Variants in SPATC1 observed in about 807,000 individuals in gnomAD.
SPATC1 encodes the protein speriolin.
In SPATC1, 35 loss-of-function variants were observed where a neutral mutation model predicts 36.5. That is an observed-to-expected ratio of 0.96 (90% CI 0.73 to 1.27). The LOEUF is 1.27. Among genes scored for constraint, SPATC1 ranks in the 50% most tolerant of loss-of-function variants. The pLI is 0.00. For synonymous variants in SPATC1, 361 were observed against 353.6 expected, an observed-to-expected ratio of 1.02 and a Z score of -0.24; for missense variants, 779 against 796.0, an observed-to-expected ratio of 0.98 and a Z score of 0.26.
At chr8:144,037,289 G>T (rs1554754960) in intron 1 of SPATC1, among the ~76,000 whole-genome samples, 1 of 149,428 alleles carries the variant, frequency 6.7e-6, no homozygotes, top group African/African-American at 2.5e-5. Context: ...GAGCCCCTCT[G>T]CCCGGCCACC....
rs1354306370 is a variant in SPATC1, at chr8:144,046,520, C to T, written c.1447-107C>T. 8.4e-6 allele frequency: 9 copies of T among 1,067,276 alleles called. No homozygotes were observed. Among genetic ancestry groups the T allele is most frequent in the South Asian group, 6.0e-5 (4 of 66,808 alleles). 66.1% of individuals were successfully genotyped at this position (1,067,276 alleles called of 1,614,324 possible). On this transcript the variant is annotated intron_variant, in intron 4 of 4. Transcript: ENST00000377470. The surrounding 1 kb of genome is among the most constrained non-coding windows in gnomAD (Gnocchi z 6.6). Reference sequence around the variant, plus strand: ...CAGAACCTCCCCACCGCACACCCCTCGGATCCTGGCCATCTCACAGCCTCA... The same window carrying T: ...CAGAACCTCCCCACCGCACACCCCTTGGATCCTGGCCATCTCACAGCCTCA...
chr8:144,012,531 A>G lies in SPATC1; in HGVS notation c.16A>G (p.Asn6Asp). The G allele has an allele frequency of 6.4e-7, 1 of 1,551,716 alleles. No individual in the cohort carries two copies. The highest frequency in any genetic ancestry group is 2.4e-5 in the East Asian group (1 of 40,908). MSLLT[N>D]YEGLRHQIER... is the part of the protein sequence containing the mutation. ...GCCCCAGGGCATGTCTCTACTCACC[A>G]ATTATGAAGGGCTTCGGCATCAGAT... The change falls in exon 1 of 5, where the codon AAT becomes GAT. Residue 6 changes from asparagine (N) to aspartate (D), a missense_variant. Coordinates refer to ENST00000377470, the MANE Select transcript of SPATC1 (RefSeq NM_198572.3).
intron 1 of SPATC1, among the ~76,000 whole-genome samples, chr8:144,018,780 C>T (rs1834442382): frequency 6.6e-6 from 1 of 150,474 alleles, no homozygotes. Flanking sequence ...ATCTGTAGTC[C>T]CAACACTTTG....
At chr8:144,022,458 G>A (rs1285115358) in intron 1 of SPATC1, among the ~76,000 whole-genome samples, 1 of 39,250 alleles carries the variant, frequency 2.5e-5, no homozygotes, top group Non-Finnish European at 5.5e-5. Flanking sequence ...AGGACCCTCT[G>A]TCCAGAAGAA....
At chr8:144,042,039 C>T in intron 4 of SPATC1, 2 of 980,276 alleles carry the variant, frequency 2.0e-6, no homozygotes, top group Non-Finnish European at 2.4e-6. Context: ...CCATTACACT[C>T]CAGCCTGGGC....
Position 144,031,594 on chromosome 8 carries a change from A to G in SPATC1, c.212-8315A>G, listed in dbSNP as rs1564272998. On this transcript the variant is annotated intron_variant, in intron 1 of 4. Coordinates refer to ENST00000377470, the MANE Select transcript of SPATC1 (RefSeq NM_198572.3). ...GTAATGTATCTCAGTGAAAATCTCT[A>G]TGAGTTTATTCTACTTGGAGTTCAC... is the stretch of plus-strand genomic sequence containing the variant. Among the ~76,000 whole-genome samples the G allele has an allele frequency of 2.0e-5, 3 of 150,826 alleles. No individual in the cohort carries two copies. In the South Asian group the frequency reaches 6.3e-4, roughly 31 times the overall value.
intron 1 of SPATC1, among the ~76,000 whole-genome samples, chr8:144,035,349 C>A (rs1834877029): frequency 6.6e-6 from 1 of 152,208 alleles, no homozygotes; most frequent in Admixed American, 6.5e-5. Flanking sequence ...CAATAGCACC[C>A]AGCTCACGGC....
intron 1 of SPATC1, among the ~76,000 whole-genome samples, chr8:144,025,625 G>A (rs1373094970): frequency 6.6e-6 from 1 of 152,192 alleles, no homozygotes; most frequent in Non-Finnish European, 1.5e-5. Flanking sequence ...AACAGTGGGT[G>A]TCTGTTAGCT....
chr8:144,040,929 G>A lies in SPATC1; in HGVS notation c.1128G>A (p.Leu376=). Residue 376 remains leucine, a synonymous_variant, in exon 3 of 5, where the codon CTG becomes CTA. Transcript: ENST00000377470. The part of the protein sequence containing the change: ...SRMHNSPTQN[L]PVPHCPPHNA... ...TGCATAATTCCCCAACCCAGAACCT[G>A]CCTGTCCCCCACTGTCCTCCACACA... 1 of 1,591,840 alleles carries A rather than the reference G, an allele frequency of 6.3e-7. No homozygotes were observed. Among genetic ancestry groups the A allele is most frequent in the Non-Finnish European group, 8.5e-7 (1 of 1,170,250 alleles).
At chr8:144,027,023 G>A (rs1485630998) in intron 1 of SPATC1, among the ~76,000 whole-genome samples, 4 of 135,322 alleles carry the variant, frequency 3.0e-5, no homozygotes, top group Non-Finnish European at 3.1e-5. Flanking sequence ...TAGTAGAGAC[G>A]GGGTTTCACT....
At position 144,016,797 on chromosome 8, in the gene SPATC1, G is replaced by A. The variant is rs551054337; in HGVS notation, c.211+4071G>A. On this transcript the variant is annotated intron_variant, in intron 1 of 4. Transcript: ENST00000377470. The surrounding 1 kb of genome is among the most constrained non-coding windows in gnomAD (Gnocchi z 4.5). ...ACTACGGGCATGCACCAGCACACCC[G>A]GCTAATTTTGTATTTTGTTAGTAGA... is the stretch of plus-strand genomic sequence containing the variant. Among the ~76,000 whole-genome samples the A allele has an allele frequency of 5.3e-5, 8 of 151,988 alleles. No individual in the cohort carries two copies. Among genetic ancestry groups the A allele is most frequent in the Non-Finnish European group, 1.2e-4 (8 of 67,978 alleles).
At chr8:144,022,738 A>ATCCTCTCCCCTCAGGC (rs1564269140) in intron 1 of SPATC1, among the ~76,000 whole-genome samples, 1 of 148,644 alleles carries the variant, frequency 6.7e-6, no homozygotes. Context: ...TCCCCTCAGG[A>ATCCTCTCCCCTCAGGC]CCCTCTTCCC....
chr8:144,025,105 G>T (rs973021275), intron 1 of SPATC1, among the ~76,000 whole-genome samples: 1 of 150,130 alleles, frequency 6.7e-6, no homozygotes, highest in Non-Finnish European at 1.5e-5. Flanking sequence ...CTTCCCTCAG[G>T]ACCCTCTTCT....
chr8:144,014,408 A>AAGAAGG, intron 1 of SPATC1, among the ~76,000 whole-genome samples: 1 of 150,334 alleles, frequency 6.7e-6, no homozygotes, highest in Middle Eastern at 3.4e-3. Flanking sequence ...CAAGAAGAAG[A>AAGAAGG]AGGAGGAGGA....
chr8:144,019,922 G>C lies in SPATC1; in HGVS notation c.211+7196G>C, dbSNP rs938598212. 2.8e-4 allele frequency among the ~76,000 whole-genome samples: 42 copies of C among 150,854 alleles called. 1 individual carries two copies. The highest frequency in any genetic ancestry group is 8.5e-4 in the African/African-American group (35 of 40,956). ...CCTGCTCTCCCACTGCCTCCCCCGGGGGCTGCGGCAGGTCTCCTCCGGCAG... is the reference window on the plus strand; with the variant it reads ...CCTGCTCTCCCACTGCCTCCCCCGGCGGCTGCGGCAGGTCTCCTCCGGCAG... On this transcript the variant is annotated intron_variant, in intron 1 of 4. Coordinates refer to ENST00000377470, the MANE Select transcript of SPATC1 (RefSeq NM_198572.3).
chr8:144,021,315 ACCCTCTGCCCTCATG>A (rs1834529620), intron 1 of SPATC1, among the ~76,000 whole-genome samples: 11 of 4,156 alleles, frequency 2.6e-3, no homozygotes, highest in East Asian at 5.6e-3. Context: ...TTCCCTCATG[ACCCTCTGCCCTCATG>A]ACCCAGTTTC....
Position 144,041,124 on chromosome 8 carries a change from GC to G in SPATC1, c.1306+18del, listed in dbSNP as rs782088478. On this transcript the variant is annotated intron_variant, in intron 3 of 4. Coordinates refer to ENST00000377470, the MANE Select transcript of SPATC1 (RefSeq NM_198572.3). ...ACCCCCGAGGTCAGTGACACTGCGG[GC>G]TCCACGCGGGTCGGGCCCCCAGGCC... The G allele has an allele frequency of 1.3e-6, 2 of 1,579,270 alleles. No homozygotes were observed. The highest frequency in any genetic ancestry group is 1.7e-6 in the Non-Finnish European group (2 of 1,161,216).
chr8:144,020,687 CCCTCTTCCCTCAGGAT>C (rs1834500902), intron 1 of SPATC1, among the ~76,000 whole-genome samples: 2 of 8,202 alleles, frequency 2.4e-4, no homozygotes, highest in East Asian at 3.4e-3. Context: ...CCCCTCGCAC[CCCTCTTCCCTCAGGAT>C]CCTCTTCCCT....
At position 144,041,235 on chromosome 8, in the gene SPATC1, C is replaced by T. The variant is rs375973530; in HGVS notation, c.1310C>T (p.Ser437Leu). ...TGACGAGACCCTGTGTCCCCAGAGT[C>T]GAAGCAGCTGGCCTGGGAGAGGCTG... is the stretch of plus-strand genomic sequence containing the variant. The part of the protein sequence containing the change: ...TSKFPENPRE[S>L]KQLAWERLVG... The change falls in exon 4 of 5, where the codon TCG becomes TTG. Residue 437 changes from serine (S) to leucine (L), a missense_variant. Coordinates refer to ENST00000377470, the MANE Select transcript of SPATC1 (RefSeq NM_198572.3). 2.5e-4 allele frequency: 407 copies of T among 1,613,142 alleles called. No individual in the cohort carries two copies. The highest frequency in any genetic ancestry group is 3.3e-4 in the Non-Finnish European group (392 of 1,179,948).
Sources: gnomAD v4.1 joint callset for allele counts (sites outside exome capture counted in the v4.1 genomes callset) on GRCh38, gnomAD v4.1.1 for gene constraint, Gnocchi (gnomAD v3.1) non-coding constraint, MANE v1.5 for transcripts, NCBI Gene and HGNC (gene_info 2026-07-23, HGNC 2026-07-21) for gene names.